CAST: variants seen among roughly 807,000 people sequenced by gnomAD.
CAST encodes the protein calpastatin, also known as MIR583 host.
A neutral mutation model predicts 119.6 loss-of-function variants in CAST; 76 were observed. The ratio of observed to expected loss-of-function variants is 0.64; its 90% confidence interval spans 0.53 to 0.77. The LOEUF is 0.77. CAST is among the 30% of genes least tolerant of loss of function. The pLI is 0.00. For synonymous variants in CAST, 319 were observed against 331.6 expected (o/e 0.96, Z 0.41); for missense variants, 953 against 946.5 (o/e 1.01, Z -0.09).
the CAST span, among the ~76,000 whole-genome samples, chr5:96,258,634 C>T: frequency 2.0e-5 from 3 of 152,114 alleles, no homozygotes; most frequent in Non-Finnish European, 4.4e-5. Flanking sequence ...TAAAGGAATT[C>T]AGGGATGCAT....
the CAST span, among the ~76,000 whole-genome samples, chr5:96,330,005 G>C: frequency 6.6e-6 from 1 of 152,262 alleles, no homozygotes; most frequent in Non-Finnish European, 1.5e-5. Flanking sequence ...CATTAAGAAT[G>C]GGCCAACTTG....
the CAST span, among the ~76,000 whole-genome samples, chr5:95,997,378 A>G: frequency 6.6e-6 from 1 of 152,134 alleles, no homozygotes; most frequent in African/African-American, 2.4e-5. Flanking sequence ...TGAGAAAAAC[A>G]GCATTTGTGA....
chr5:96,276,898 T>C, the CAST span, among the ~76,000 whole-genome samples: 1 of 152,320 alleles, frequency 6.6e-6, no homozygotes, highest in South Asian at 2.1e-4. Flanking sequence ...CATGAGCATA[T>C]ATATTATTTT....
At chr5:95,985,988 A>G in the CAST span, among the ~76,000 whole-genome samples, 1 of 152,242 alleles carries the variant, frequency 6.6e-6, no homozygotes, top group African/African-American at 2.4e-5. Flanking sequence ...AGCAAAATCA[A>G]CTGGTACAAA....
chr5:96,036,116 T>C, the CAST span, among the ~76,000 whole-genome samples: 1 of 151,110 alleles, frequency 6.6e-6, no homozygotes, highest in Non-Finnish European at 1.5e-5. Context: ...GGATGTATAA[T>C]ATATTTTACC....
In CAST at chr5:96,770,580, G is replaced by GT. The variant is rs1358118971; in HGVS notation, c.2319dup (p.Lys774Ter). On this transcript the variant is annotated frameshift_variant, in exon 30 of 32. Transcript: ENST00000675179. LOFTEE classifies it high-confidence loss of function. ...AGCTCCAAAGCACCTAAGAATGGAG[G>GT]TAAAGCGAAGGATTCAGCAAAGGTA... 1.2e-6 allele frequency: 2 copies of GT among 1,612,298 alleles called. No individual in the cohort carries two copies. The highest frequency in any genetic ancestry group is 1.7e-6 in the Non-Finnish European group (2 of 1,178,576).
chr5:96,647,961 T>A (rs753310794), intron 1 of CAST, among the ~76,000 whole-genome samples: 2 of 152,222 alleles, frequency 1.3e-5, no homozygotes, highest in East Asian at 1.9e-4. Context: ...AGCTGTGACT[T>A]TCTCCAATTC....
intron 25 of CAST, among the ~76,000 whole-genome samples, chr5:96,764,355 C>T (rs1561612218): frequency 6.6e-6 from 1 of 152,154 alleles, no homozygotes; most frequent in Non-Finnish European, 1.5e-5. Flanking sequence ...GTTAAATAAG[C>T]TGCCTGAATC....
the CAST span, among the ~76,000 whole-genome samples, chr5:96,170,370 C>A: frequency 6.6e-6 from 1 of 152,094 alleles, no homozygotes; most frequent in African/African-American, 2.4e-5. Context: ...CTGGAGGAAC[C>A]CCTGGCAGCT....
At chr5:96,071,373 G>T in the CAST span, among the ~76,000 whole-genome samples, 1 of 151,930 alleles carries the variant, frequency 6.6e-6, no homozygotes, top group African/African-American at 2.4e-5. Context: ...GTTCTCTTTG[G>T]TATTTTTCTG....
At chr5:96,095,533 C>G in the CAST span, among the ~76,000 whole-genome samples, 2 of 134,830 alleles carry the variant, frequency 1.5e-5, no homozygotes, top group African/African-American at 5.8e-5. Context: ...TGCACTCCAG[C>G]CTGGGCAACA....
the CAST span, among the ~76,000 whole-genome samples, chr5:96,100,657 T>C: frequency 2.0e-5 from 3 of 152,160 alleles, no homozygotes; most frequent in African/African-American, 7.2e-5. Flanking sequence ...TCTTCTTCAT[T>C]TTTCTTACCT....
chr5:96,730,861 G>A lies in CAST; in HGVS notation c.630+1G>A, dbSNP rs769797970. ...AATATCTGGCAAGCCGGGTGACAAGGTGAGCACACACAAGCAGACGGAAAC... is the reference window on the plus strand; with the variant it reads ...AATATCTGGCAAGCCGGGTGACAAGATGAGCACACACAAGCAGACGGAAAC... On this transcript the variant is annotated splice_donor_variant, in intron 9 of 31. Transcript: ENST00000675179. LOFTEE classifies it high-confidence loss of function. The A allele has an allele frequency of 4.1e-5, 66 of 1,609,620 alleles. No homozygotes were observed. The highest frequency in any genetic ancestry group is 5.5e-5 in the Non-Finnish European group (65 of 1,175,970).
upstream of CAST, among the ~76,000 whole-genome samples, chr5:96,657,248 T>G (rs1288213417): frequency 6.6e-6 from 1 of 152,170 alleles, no homozygotes; most frequent in Non-Finnish European, 1.5e-5. Context: ...GTGGTTTGGG[T>G]GTGGCGGTAG....
the CAST span, among the ~76,000 whole-genome samples, chr5:96,241,263 C>A: frequency 1.4e-5 from 2 of 139,004 alleles, no homozygotes; most frequent in African/African-American, 5.4e-5. Flanking sequence ...CTTCCTATGT[C>A]CATATGTTCT....
chr5:96,064,190 T>C, the CAST span, among the ~76,000 whole-genome samples: 2 of 152,174 alleles, frequency 1.3e-5, no homozygotes, highest in African/African-American at 4.8e-5. Flanking sequence ...AGACAGTAGT[T>C]TTTTTTCTGC....
chr5:96,254,289 T>C, the CAST span, among the ~76,000 whole-genome samples: 1 of 152,120 alleles, frequency 6.6e-6, no homozygotes, highest in Non-Finnish European at 1.5e-5. Flanking sequence ...TCTTCTAGTA[T>C]GTCTTAGAAT....
At chr5:96,344,624 A>G in the CAST span, among the ~76,000 whole-genome samples, 1 of 152,272 alleles carries the variant, frequency 6.6e-6, no homozygotes, top group East Asian at 1.9e-4. Flanking sequence ...AACATACTCT[A>G]CTTTTCCTTT....
At chr5:96,139,385 A>G in the CAST span, among the ~76,000 whole-genome samples, 1 of 151,450 alleles carries the variant, frequency 6.6e-6, no homozygotes, top group South Asian at 2.1e-4. Flanking sequence ...CAATTCCTAG[A>G]TCTCCACTTA....
Sources: allele counts gnomAD v4.1 joint callset (sites outside exome capture counted in the v4.1 genomes callset), GRCh38; gene constraint gnomAD v4.1.1; transcripts MANE v1.5; gene names NCBI Gene and HGNC (gene_info 2026-07-23, HGNC 2026-07-21).